The following PANX1 variants were observed in gnomAD, a reference collection of about 807,000 sequenced individuals.
The protein encoded by PANX1 is pannexin-1.
A neutral mutation model predicts 38.7 loss-of-function variants in PANX1; 30 were observed. The ratio of observed to expected loss-of-function variants is 0.78; its 90% CI spans 0.58 to 1.05. PANX1 has a LOEUF of 1.05. Ranked by LOEUF, PANX1 falls within the 50% of genes least tolerant of loss-of-function variation. The pLI is 0.00. For synonymous variants in PANX1, 230 were observed against 212.2 expected (o/e 1.08, Z -0.73); for missense variants, 551 against 517.2 (o/e 1.07, Z -0.63).
intron 2 of PANX1, among the ~76,000 whole-genome samples, chr11:94,162,135 G>T (rs1156843167): frequency 6.6e-6 from 1 of 152,170 alleles, no homozygotes; most frequent in African/African-American, 2.4e-5. Context: ...CCCTACTGGG[G>T]GGTGCCTCCC....
intron 2 of PANX1, among the ~76,000 whole-genome samples, chr11:94,170,758 T>G (rs1947156279): frequency 6.6e-6 from 1 of 151,656 alleles, no homozygotes; most frequent in Non-Finnish European, 1.5e-5. Flanking sequence ...CAGACATGTT[T>G]CCCATGTGAG....
intron 1 of PANX1, among the ~76,000 whole-genome samples, chr11:94,134,418 G>C (rs1485533109): frequency 6.6e-6 from 1 of 152,180 alleles, no homozygotes; most frequent in African/African-American, 2.4e-5. Flanking sequence ...TGAAATTCTA[G>C]AAGTATTTCT....
At chr11:94,166,982 G>C (rs1168150573) in intron 2 of PANX1, among the ~76,000 whole-genome samples, 1 of 141,266 alleles carries the variant, frequency 7.1e-6, no homozygotes, top group East Asian at 2.0e-4. Flanking sequence ...ATTTATTTGG[G>C]GCCCTAAGTC....
intron 2 of PANX1, among the ~76,000 whole-genome samples, chr11:94,157,119 G>T (rs1459096881): frequency 6.6e-6 from 1 of 151,972 alleles, no homozygotes; most frequent in African/African-American, 2.4e-5. Context: ...TCTTAATCCA[G>T]TCTATCATTG....
intron 2 of PANX1, among the ~76,000 whole-genome samples, chr11:94,161,721 C>A (rs184856228): frequency 6.6e-6 from 1 of 152,170 alleles, no homozygotes; most frequent in Non-Finnish European, 1.5e-5. Context: ...TCTCTCAATT[C>A]GTCAAAGTCA....
At chr11:94,168,916 A>AT (rs1947132854) in intron 2 of PANX1, among the ~76,000 whole-genome samples, 1 of 151,660 alleles carries the variant, frequency 6.6e-6, no homozygotes, top group Admixed American at 6.6e-5. Context: ...AAAGATCAGG[A>AT]TTAAGGACAT....
intron 1 of PANX1, among the ~76,000 whole-genome samples, chr11:94,131,851 AAAAC>A (rs1342323232): frequency 6.6e-6 from 1 of 152,130 alleles, no homozygotes; most frequent in Non-Finnish European, 1.5e-5. Flanking sequence ...CACTCAGCCA[AAAAC>A]AAACCAAAAA....
chr11:94,180,533 C>T (rs1947293835), intron 4 of PANX1, among the ~76,000 whole-genome samples: 1 of 152,210 alleles, frequency 6.6e-6, no homozygotes, highest in African/African-American at 2.4e-5. Context: ...CTCTCTCTTG[C>T]TCAGCAATCT....
chr11:94,157,744 A>G (rs1024611773), intron 2 of PANX1, among the ~76,000 whole-genome samples: 3 of 151,992 alleles, frequency 2.0e-5, no homozygotes, highest in African/African-American at 7.3e-5. Context: ...TCTTTAGTTT[A>G]CTTAGATCCC....
intron 1 of PANX1, among the ~76,000 whole-genome samples, chr11:94,141,540 A>G (rs1946761645): frequency 6.6e-6 from 1 of 152,148 alleles, no homozygotes; most frequent in Non-Finnish European, 1.5e-5. Flanking sequence ...GGCTTATGAA[A>G]TACCCCTTCC....
At chr11:94,157,481 T>C (rs1946967681) in intron 2 of PANX1, among the ~76,000 whole-genome samples, 5 of 152,234 alleles carry the variant, frequency 3.3e-5, no homozygotes, top group Admixed American at 3.3e-4. Context: ...ATTTCTCTGA[T>C]GGCCATTGAT....
chr11:94,145,362 G>A (rs1326781288), intron 1 of PANX1, among the ~76,000 whole-genome samples: 2 of 152,148 alleles, frequency 1.3e-5, no homozygotes, highest in African/African-American at 4.8e-5. Context: ...AAAAAAAATT[G>A]CATAGATTTT....
At position 94,181,467 on chromosome 11, in the gene PANX1, A is replaced by G. The variant is rs141960320; in HGVS notation, c.*598A>G. 33 of 152,726 alleles carry G rather than the reference A, an allele frequency of 2.2e-4. 1 individual carries two copies. In the East Asian group the frequency reaches 6.4e-3, roughly 30 times the overall value. 9.5% of individuals were successfully genotyped at this position (152,726 alleles called of 1,614,324 possible). A position where few individuals can be genotyped will look rare whatever the true frequency, so the allele number is the denominator to read the frequency against. On this transcript the variant is annotated 3_prime_UTR_variant, in exon 5 of 5. Coordinates refer to ENST00000227638, the MANE Select transcript of PANX1 (RefSeq NM_015368.4). ...AACCTTGGCTGATGGAAATCCCGTA[A>G]CCACTATTTGTTGCACTGTGCCTTG...
At chr11:94,165,921 A>G (rs764508182) in intron 2 of PANX1, among the ~76,000 whole-genome samples, 1 of 152,196 alleles carries the variant, frequency 6.6e-6, no homozygotes, top group African/African-American at 2.4e-5. Flanking sequence ...TTCAAGTAAT[A>G]TAATAGTAAT....
chr11:94,136,327 A>AGTTCTACC (rs1174013286), intron 1 of PANX1, among the ~76,000 whole-genome samples: 1 of 152,212 alleles, frequency 6.6e-6, no homozygotes, highest in Non-Finnish European at 1.5e-5. Flanking sequence ...TTCAGGGGGT[A>AGTTCTACC]GAATTGCAAC....
In PANX1 at chr11:94,157,175, C is replaced by T. The variant is rs200799247; in HGVS notation, c.321+3545C>T. Among the ~76,000 whole-genome samples, 2,075 of 152,096 alleles carry T rather than the reference C, an allele frequency of 0.014. 84 individuals are homozygous for T. In the East Asian group the frequency reaches 0.14, roughly 10 times the overall value. ...CAAGTCTTTGCTATTGTGAATAGTG[C>T]CACAATAAACATACATGTACATGTG... On this transcript the variant is annotated intron_variant, in intron 2 of 4. Transcript: ENST00000227638.
intron 1 of PANX1, among the ~76,000 whole-genome samples, chr11:94,140,101 G>A (rs977892949): frequency 2.4e-4 from 37 of 152,278 alleles, no homozygotes; most frequent in Admixed American, 2.2e-3. Context: ...CTTCCAGATC[G>A]GTTCAGAAAG....
In PANX1 at chr11:94,179,747, C is replaced by G. The variant is rs1446983917; in HGVS notation, c.691C>G (p.Leu231Val). 1.9e-6 allele frequency: 3 copies of G among 1,613,974 alleles called. No homozygotes were observed. Among genetic ancestry groups the G allele is most frequent in the Non-Finnish European group, 2.5e-6 (3 of 1,180,010 alleles). The change falls in exon 4 of 5, where the codon CTG (leucine) becomes GTG (valine). Residue 231 changes from leucine to valine, a missense_variant. Transcript: ENST00000227638. ...CATTATACTGTTAGCGTGTATCTAC[C>G]TGGGCTATTACTTCAGCCTCTCCTC... ...LIIILLACIYLGYYFSLSSLS... is the reference protein window; with the variant it reads ...LIIILLACIYVGYYFSLSSLS...
At chr11:94,142,366 C>G (rs764126886) in intron 1 of PANX1, among the ~76,000 whole-genome samples, 7 of 152,176 alleles carry the variant, frequency 4.6e-5, no homozygotes, top group African/African-American at 7.2e-5. Context: ...GCTCCTCACC[C>G]TCACCTACCA....
Sources: gnomAD v4.1 joint callset for allele counts (sites outside exome capture counted in the v4.1 genomes callset) on GRCh38, gnomAD v4.1.1 for gene constraint, MANE v1.5 for transcripts, NCBI Gene and HGNC (gene_info 2026-07-23, HGNC 2026-07-21) for gene names.